The following CELF2 variants were observed in gnomAD, a reference collection of about 807,000 sequenced individuals.
The protein encoded by CELF2 is CUGBP Elav-like family member 2.
A neutral mutation model predicts 62.6 loss-of-function variants in CELF2; 8 were observed. The observed-to-expected ratio is 0.13, with a 90% CI of 0.07 to 0.23. CELF2 has a LOEUF of 0.23. Ranked by LOEUF, CELF2 falls within the 10% of genes least tolerant of loss-of-function variation. The probability of loss-of-function intolerance (pLI) is 1.00; values close to 1 mark genes in which losing one functional copy is unlikely to be tolerated. For missense variants in CELF2, 333 were observed against 671.0 expected, an observed-to-expected ratio of 0.50 and a Z score of 5.56; for synonymous variants, 258 against 250.0, an observed-to-expected ratio of 1.03 and a Z score of -0.30.
chr10:10,550,774 C>A, the CELF2 span, among the ~76,000 whole-genome samples: 2 of 152,170 alleles, frequency 1.3e-5, no homozygotes, highest in African/African-American at 4.8e-5. Context: ...TCTCAGCTCG[C>A]TGCAACCTCC....
the CELF2 span, among the ~76,000 whole-genome samples, chr10:10,695,826 C>T: frequency 5.3e-5 from 8 of 151,898 alleles, no homozygotes; most frequent in Admixed American, 3.3e-4. Flanking sequence ...GCATTCTTCA[C>T]GTAGTTCTCG....
chr10:10,479,337 T>A, the CELF2 span, among the ~76,000 whole-genome samples: 1 of 151,902 alleles, frequency 6.6e-6, no homozygotes, highest in African/African-American at 2.4e-5. Flanking sequence ...CCCGGATAAT[T>A]TTTGTATTTT....
At chr10:10,712,479 C>G in the CELF2 span, among the ~76,000 whole-genome samples, 238 of 152,064 alleles carry the variant, frequency 1.6e-3, 1 homozygote, top group African/African-American at 5.6e-3. Flanking sequence ...TTTTTTTTAA[C>G]CAAAGCTATA....
the CELF2 span, among the ~76,000 whole-genome samples, chr10:10,599,937 T>G: frequency 6.6e-6 from 1 of 152,102 alleles, no homozygotes; most frequent in Non-Finnish European, 1.5e-5. Flanking sequence ...TTCACCCTGT[T>G]AGCCAGGGTG....
chr10:11,298,303 G>T (rs930176467), intron 9 of CELF2, among the ~76,000 whole-genome samples: 1 of 152,200 alleles, frequency 6.6e-6, no homozygotes, highest in African/African-American at 2.4e-5. Flanking sequence ...GTGCCATCTC[G>T]ACCTGGTACT....
At chr10:10,880,564 G>A (rs1005638907) in intron 1 of CELF2, among the ~76,000 whole-genome samples, 2 of 152,128 alleles carry the variant, frequency 1.3e-5, no homozygotes, top group Admixed American at 6.6e-5. Context: ...TACGGATACT[G>A]GCTTCAGCCT....
At chr10:10,517,135 T>C in the CELF2 span, among the ~76,000 whole-genome samples, 1 of 152,216 alleles carries the variant, frequency 6.6e-6, no homozygotes, top group African/African-American at 2.4e-5. Context: ...CTTTACTCTA[T>C]GCAATTTATC....
At chr10:11,144,914 A>AG (rs201004733) in intron 1 of CELF2, among the ~76,000 whole-genome samples, 11,323 of 150,080 alleles carry the variant, frequency 0.075, 648 homozygotes, top group Non-Finnish European at 0.13. Flanking sequence ...AAAAAAAAAA[A>AG]AAAAAAAAAG....
At chr10:10,640,825 G>A in the CELF2 span, among the ~76,000 whole-genome samples, 11 of 152,082 alleles carry the variant, frequency 7.2e-5, no homozygotes, top group African/African-American at 1.9e-4. Flanking sequence ...ATTTCTCATC[G>A]TCCACTGCTC....
chr10:11,006,157 T>C (rs1375711838), intron 1 of CELF2, among the ~76,000 whole-genome samples: 1 of 152,204 alleles, frequency 6.6e-6, no homozygotes, highest in Non-Finnish European at 1.5e-5. Flanking sequence ...CTAGCAGACA[T>C]TGTAGCACTG....
chr10:10,680,167 ATG>A, the CELF2 span, among the ~76,000 whole-genome samples: 1 of 152,116 alleles, frequency 6.6e-6, no homozygotes, highest in Non-Finnish European at 1.5e-5. Context: ...GTATGTATGT[ATG>A]TATGTATGTG....
At chr10:10,979,888 A>G (rs2051862775) in intron 2 of CELF2, among the ~76,000 whole-genome samples, 1 of 151,890 alleles carries the variant, frequency 6.6e-6, no homozygotes, top group African/African-American at 2.4e-5. Flanking sequence ...TGTGGTAACT[A>G]TTTGTTCTGT....
chr10:11,196,528 A>G (rs2057529066), intron 2 of CELF2, among the ~76,000 whole-genome samples: 1 of 152,108 alleles, frequency 6.6e-6, no homozygotes, highest in African/African-American at 2.4e-5. Context: ...TTAGCCAGGC[A>G]TGATTGTTCA....
the CELF2 span, among the ~76,000 whole-genome samples, chr10:10,515,863 A>G: frequency 6.6e-6 from 1 of 152,226 alleles, no homozygotes; most frequent in Non-Finnish European, 1.5e-5. Flanking sequence ...AACATCTCCG[A>G]AACAGGGAAA....
At chr10:10,860,643 G>A (rs1359571969) in intron 1 of CELF2, among the ~76,000 whole-genome samples, 1 of 152,196 alleles carries the variant, frequency 6.6e-6, no homozygotes, top group African/African-American at 2.4e-5. Context: ...GTTTGTTTGA[G>A]CAAAGAACAA....
At chr10:10,926,679 T>C (rs1159870256) in intron 2 of CELF2, among the ~76,000 whole-genome samples, 1 of 152,192 alleles carries the variant, frequency 6.6e-6, no homozygotes, top group Non-Finnish European at 1.5e-5. Flanking sequence ...CCCTTTTCCA[T>C]GCCTGATCCC....
At chr10:10,663,777 T>G in the CELF2 span, among the ~76,000 whole-genome samples, 1 of 152,208 alleles carries the variant, frequency 6.6e-6, no homozygotes, top group Non-Finnish European at 1.5e-5. Context: ...AATCACAGCA[T>G]GCAACAGAAA....
At position 11,039,100 on chromosome 10, in the gene CELF2, G is replaced by A. The variant is rs758070098; in HGVS notation, c.74+20937G>A. 3.9e-5 allele frequency among the ~76,000 whole-genome samples: 6 copies of A among 152,136 alleles called. No homozygotes were observed. Among genetic ancestry groups the A allele is most frequent in the African/African-American group, 1.2e-4 (5 of 41,440 alleles). ...GCATCCACACCACTCTCATGGCATC[G>A]ACCATGTAACGGCGATAACAGCCGA... On this transcript the variant is annotated intron_variant, in intron 1 of 12. Coordinates refer to ENST00000633077, the MANE Select transcript of CELF2 (RefSeq NM_001326342.2). The surrounding 1 kb of genome is among the most constrained non-coding windows in gnomAD (Gnocchi z 4.1).
chr10:11,016,998 G>C (rs2057342233), upstream of CELF2, among the ~76,000 whole-genome samples: 1 of 152,206 alleles, frequency 6.6e-6, no homozygotes, highest in Non-Finnish European at 1.5e-5. The surrounding 1 kb of genome is among the most constrained non-coding windows in gnomAD (Gnocchi z 5.2). Flanking sequence ...ACTGTGAAAA[G>C]TTTGCCACCC....
Sources: gnomAD v4.1 joint callset for allele counts (sites outside exome capture counted in the v4.1 genomes callset) on GRCh38, gnomAD v4.1.1 for gene constraint, Gnocchi (gnomAD v3.1) non-coding constraint, MANE v1.5 for transcripts, NCBI Gene and HGNC (gene_info 2026-07-23, HGNC 2026-07-21) for gene names.